The following NLGN1 variants were observed in gnomAD, a reference collection of about 807,000 sequenced individuals.
NLGN1 encodes the protein neuroligin-1.
Under a neutral mutation model 65.5 loss-of-function variants are expected in NLGN1, and 12 were observed. The observed-to-expected ratio is 0.18, with a 90% CI of 0.12 to 0.30. The LOEUF (loss-of-function observed/expected upper bound fraction) is 0.30. Ranked by LOEUF, NLGN1 falls within the 10% of genes least tolerant of loss-of-function variation. The pLI is 1.00. For missense variants in NLGN1, 750 were observed against 1,007.1 expected (o/e 0.74, Z 3.46); for synonymous variants, 350 against 359.5 (o/e 0.97, Z 0.30).
At chr3:174,166,150 T>G (rs1727453039) in intron 4 of NLGN1, among the ~76,000 whole-genome samples, 3 of 152,050 alleles carry the variant, frequency 2.0e-5, no homozygotes, top group Admixed American at 2.0e-4. Context: ...AAGAACTTTT[T>G]GTTTCACTGA....
intron 4 of NLGN1, among the ~76,000 whole-genome samples, chr3:174,084,696 T>C (rs1353436603): frequency 6.6e-6 from 1 of 152,078 alleles, no homozygotes; most frequent in Non-Finnish European, 1.5e-5. Context: ...GAAAATACTG[T>C]TCCTGACATT....
At chr3:173,999,967 G>GT (rs397940737) in intron 4 of NLGN1, among the ~76,000 whole-genome samples, 2,888 of 147,342 alleles carry the variant, frequency 0.02, 68 homozygotes, top group African/African-American at 0.049. Context: ...TAACAAACAG[G>GT]TTTTTTTTTT....
At chr3:174,047,878 T>C (rs181414884) in intron 4 of NLGN1, among the ~76,000 whole-genome samples, 1 of 151,584 alleles carries the variant, frequency 6.6e-6, no homozygotes, top group African/African-American at 2.4e-5. Context: ...GAAGAAAAAA[T>C]TTTGCTAGGA....
At chr3:174,258,332 GA>G (rs1297307393) in intron 4 of NLGN1, among the ~76,000 whole-genome samples, 1 of 151,870 alleles carries the variant, frequency 6.6e-6, no homozygotes, top group African/African-American at 2.4e-5. Flanking sequence ...AATAAAAGTT[GA>G]AAAGAAGAAA....
chr3:174,200,866 A>G (rs541473806), intron 4 of NLGN1, among the ~76,000 whole-genome samples: 1 of 152,204 alleles, frequency 6.6e-6, no homozygotes, highest in African/African-American at 2.4e-5. Flanking sequence ...TGGAGCAAAA[A>G]TCACTGCTAA....
intron 4 of NLGN1, among the ~76,000 whole-genome samples, chr3:174,129,244 T>A (rs940232680): frequency 2.0e-5 from 3 of 152,048 alleles, no homozygotes; most frequent in South Asian, 2.1e-4. Context: ...ATCAATTTTT[T>A]GGCTCATAAT....
At chr3:174,237,012 G>A (rs1465494280) in intron 4 of NLGN1, among the ~76,000 whole-genome samples, 1 of 151,874 alleles carries the variant, frequency 6.6e-6, no homozygotes, top group Non-Finnish European at 1.5e-5. Context: ...AAATATTCTA[G>A]GCAGTTGAGA....
intron 3 of NLGN1, among the ~76,000 whole-genome samples, chr3:173,650,636 T>A (rs1417587896): frequency 1.3e-5 from 2 of 152,206 alleles, no homozygotes; most frequent in Non-Finnish European, 2.9e-5. Flanking sequence ...TCTTGTTTCA[T>A]TTGGAACTTA....
intron 2 of NLGN1, among the ~76,000 whole-genome samples, chr3:173,533,946 C>T (rs1435376806): frequency 1.3e-5 from 2 of 152,104 alleles, no homozygotes; most frequent in Non-Finnish European, 2.9e-5. Context: ...CGTGCCACTG[C>T]ACTCCAGCAT....
chr3:173,427,926 A>G (rs905668115), intron 1 of NLGN1, among the ~76,000 whole-genome samples: 2 of 149,076 alleles, frequency 1.3e-5, no homozygotes, highest in Non-Finnish European at 3.0e-5. Context: ...TCCTATTATT[A>G]CTGTGTTACA....
chr3:173,805,468 G>A (rs74781793), intron 3 of NLGN1, among the ~76,000 whole-genome samples: 3,416 of 152,158 alleles, frequency 0.022, 114 homozygotes, highest in East Asian at 0.17. Context: ...ACTCAAAATA[G>A]CTCCTAGAAT....
downstream of NLGN1, among the ~76,000 whole-genome samples, chr3:174,288,384 C>T (rs1462486077): frequency 6.6e-6 from 1 of 151,484 alleles, no homozygotes; most frequent in Non-Finnish European, 1.5e-5. Context: ...GCCACAACCT[C>T]AACATGTAAT....
chr3:173,724,751 C>G (rs1204941242), intron 3 of NLGN1, among the ~76,000 whole-genome samples: 1 of 152,140 alleles, frequency 6.6e-6, no homozygotes, highest in Non-Finnish European at 1.5e-5. Context: ...TATTGCGGCA[C>G]TATTCATAAC....
At chr3:174,159,753 T>A (rs1299820566) in intron 4 of NLGN1, among the ~76,000 whole-genome samples, 2 of 151,732 alleles carry the variant, frequency 1.3e-5, no homozygotes, top group African/African-American at 4.8e-5. Flanking sequence ...TCAAAGTAAG[T>A]TATCACCTGC....
intron 3 of NLGN1, among the ~76,000 whole-genome samples, chr3:173,651,138 T>C (rs1025434090): frequency 6.6e-6 from 1 of 151,992 alleles, no homozygotes; most frequent in Non-Finnish European, 1.5e-5. Context: ...TGTATGTTCA[T>C]GTCTACACGC....
Position 173,421,376 on chromosome 3 carries a change from T to C in NLGN1, c.-389-13634T>C, listed in dbSNP as rs1308842703. 5.9e-5 allele frequency among the ~76,000 whole-genome samples: 9 copies of C among 152,080 alleles called. No homozygotes were observed. In the East Asian group the frequency reaches 1.5e-3, roughly 26 times the overall value. ...TTACAAATAAGGATATTCTCCTTCC[T>C]AATTACAATTGCCATCAAAATTAGG... On this transcript the variant is annotated intron_variant, in intron 1 of 6. Coordinates refer to ENST00000457714, the Ensembl canonical transcript of NLGN1.
chr3:174,197,832 A>G (rs1733760251), intron 4 of NLGN1, among the ~76,000 whole-genome samples: 1 of 151,142 alleles, frequency 6.6e-6, no homozygotes, highest in Non-Finnish European at 1.5e-5. Context: ...TTTTGTTAAG[A>G]TTTATTTCTG....
chr3:173,942,720 G>A (rs1000865256), intron 4 of NLGN1, among the ~76,000 whole-genome samples: 6 of 152,108 alleles, frequency 3.9e-5, no homozygotes, highest in African/African-American at 1.4e-4. Context: ...TTTTTTCATA[G>A]TTAATGACAG....
At chr3:173,795,830 A>G (rs1713929297) in intron 3 of NLGN1, among the ~76,000 whole-genome samples, 1 of 152,122 alleles carries the variant, frequency 6.6e-6, no homozygotes, top group South Asian at 2.1e-4. Flanking sequence ...CTCCAGAACA[A>G]CAATGGCAAT....
Sources: gnomAD v4.1 joint callset for allele counts (sites outside exome capture counted in the v4.1 genomes callset) on GRCh38, gnomAD v4.1.1 for gene constraint, MANE v1.5 for transcripts, NCBI Gene and HGNC (gene_info 2026-07-23, HGNC 2026-07-21) for gene names.